IGF2BP3: variants seen among roughly 807,000 people sequenced by gnomAD.
IGF2BP3 encodes insulin-like growth factor 2 mRNA-binding protein 3.
Under a neutral mutation model 73.8 loss-of-function variants are expected in IGF2BP3, and 9 were observed. The ratio of observed to expected loss-of-function variants is 0.12; its 90% CI spans 0.07 to 0.21. The LOEUF is 0.21. Among genes scored for constraint, IGF2BP3 ranks in the 10% least tolerant of loss-of-function variants. IGF2BP3 has a pLI of 1.00. For missense variants in IGF2BP3, 542 were observed against 714.0 expected (o/e 0.76, Z 2.75); for synonymous variants, 258 against 256.7 (o/e 1.01, Z -0.05).
chr7:23,437,752 GAGAACAAAA>G (rs1787839563), intron 2 of IGF2BP3, among the ~76,000 whole-genome samples: 1 of 152,066 alleles, frequency 6.6e-6, no homozygotes, highest in South Asian at 2.1e-4. Flanking sequence ...CACCAATATT[GAGAACAAAA>G]GTAAAAAACT....
At chr7:23,355,058 C>T (rs1346198150) in intron 5 of IGF2BP3, among the ~76,000 whole-genome samples, 3 of 151,776 alleles carry the variant, frequency 2.0e-5, no homozygotes, top group South Asian at 2.1e-4. Context: ...GCTGAGTTCA[C>T]GAGGAAAAAA....
At chr7:23,448,301 T>A (rs1788112390) in intron 2 of IGF2BP3, among the ~76,000 whole-genome samples, 2 of 152,268 alleles carry the variant, frequency 1.3e-5, no homozygotes, top group African/African-American at 4.8e-5. Context: ...CATTTCAGTT[T>A]GAAGAACTTA....
intron 3 of IGF2BP3, among the ~76,000 whole-genome samples, chr7:23,403,368 A>T (rs1446912090): frequency 6.6e-6 from 1 of 152,174 alleles, no homozygotes; most frequent in African/African-American, 2.4e-5. Flanking sequence ...TATGTACTAA[A>T]TTTTTTTGTA....
chr7:23,468,572 G>T (rs777362861), intron 1 of IGF2BP3, 30 bp from the exon 2 acceptor site: 1 of 1,609,772 alleles, frequency 6.2e-7, no homozygotes, highest in South Asian at 1.1e-5. Context: ...GAGACGGTCG[G>T]CCGAGTTCAG....
chr7:23,465,553 C>T (rs1194834772), intron 2 of IGF2BP3, among the ~76,000 whole-genome samples: 2 of 152,112 alleles, frequency 1.3e-5, no homozygotes, highest in African/African-American at 4.8e-5. Context: ...GAAGTCAAAG[C>T]CAGGCCAGCC....
intron 5 of IGF2BP3, among the ~76,000 whole-genome samples, chr7:23,352,219 C>T (rs1335058555): frequency 6.7e-6 from 1 of 148,154 alleles, no homozygotes; most frequent in Admixed American, 6.7e-5. Flanking sequence ...GGTGATAAAC[C>T]AAAAAAAAGA....
intron 3 of IGF2BP3, among the ~76,000 whole-genome samples, chr7:23,368,628 T>C (rs901717750): frequency 1.3e-5 from 2 of 152,162 alleles, no homozygotes; most frequent in African/African-American, 4.8e-5. Flanking sequence ...CCGGGCGCGG[T>C]GGCTCACACC....
At chr7:23,365,026 A>C (rs450065) in intron 3 of IGF2BP3, among the ~76,000 whole-genome samples, 14,191 of 152,060 alleles carry the variant, frequency 0.093, 1,780 homozygotes, top group African/African-American at 0.29. Context: ...ATTAGCCTGC[A>C]GTGGTGGCGC....
chr7:23,402,925 T>C (rs1409762105), intron 3 of IGF2BP3, among the ~76,000 whole-genome samples: 1 of 152,172 alleles, frequency 6.6e-6, no homozygotes, highest in Non-Finnish European at 1.5e-5. Flanking sequence ...TGTGGATCTT[T>C]TGGGATTAGG....
intron 3 of IGF2BP3, among the ~76,000 whole-genome samples, chr7:23,377,336 AAAG>A (rs1379084287): frequency 2.6e-5 from 4 of 152,226 alleles, no homozygotes; most frequent in African/African-American, 7.2e-5. Context: ...ACATTTCCTC[AAAG>A]AAGATATACA....
chr7:23,460,482 A>G (rs1788423979), intron 2 of IGF2BP3, among the ~76,000 whole-genome samples: 1 of 151,132 alleles, frequency 6.6e-6, no homozygotes, highest in Non-Finnish European at 1.5e-5. Context: ...CAAGTGAGCC[A>G]AGATCGCCAC....
At chr7:23,435,618 G>A (rs2128543331) in intron 2 of IGF2BP3, among the ~76,000 whole-genome samples, 1 of 152,036 alleles carries the variant, frequency 6.6e-6, no homozygotes, top group East Asian at 1.9e-4. Flanking sequence ...ACCACGCCCG[G>A]CTAATTTTTT....
chr7:23,387,606 C>G (rs1301027731), intron 3 of IGF2BP3, among the ~76,000 whole-genome samples: 1 of 152,182 alleles, frequency 6.6e-6, no homozygotes, highest in Non-Finnish European at 1.5e-5. Flanking sequence ...TACTACTTCC[C>G]TGTAAACCTA....
intron 2 of IGF2BP3, among the ~76,000 whole-genome samples, chr7:23,451,322 G>A (rs932026594): frequency 6.6e-6 from 1 of 152,192 alleles, no homozygotes; most frequent in African/African-American, 2.4e-5. Flanking sequence ...GGAGGCTGAG[G>A]CAGGAGAATC....
At chr7:23,337,622 C>A (rs566452107) in intron 10 of IGF2BP3, among the ~76,000 whole-genome samples, 2 of 152,328 alleles carry the variant, frequency 1.3e-5, no homozygotes, top group South Asian at 4.1e-4. Flanking sequence ...TATGTTCTGG[C>A]CAACATGAGG....
At chr7:23,431,790 G>A (rs1240765711) in intron 2 of IGF2BP3, among the ~76,000 whole-genome samples, 1 of 152,104 alleles carries the variant, frequency 6.6e-6, no homozygotes, top group Non-Finnish European at 1.5e-5. Context: ...CGTAATTTCT[G>A]GGGGTGGGGC....
chr7:23,465,619 C>A lies in IGF2BP3; in HGVS notation c.236+2863G>T, dbSNP rs141928217. On this transcript the variant is annotated intron_variant, in intron 2 of 14. Coordinates refer to ENST00000258729, the MANE Select transcript of IGF2BP3 (RefSeq NM_006547.3). ...CTCCCCTGTTTAGTCAGTGCAAGCCCATTCATCCATCTCAGCGTGCATTCT... is the reference window on the plus strand; with the variant it reads ...CTCCCCTGTTTAGTCAGTGCAAGCCAATTCATCCATCTCAGCGTGCATTCT... Among the ~76,000 whole-genome samples, 218 of 152,330 alleles carry A rather than the reference C, an allele frequency of 1.4e-3. 1 individual carries two copies. Among genetic ancestry groups the A allele is most frequent in the African/African-American group, 4.8e-3 (199 of 41,572 alleles).
At chr7:23,415,382 C>T in intron 3 of IGF2BP3, 2 of 221,164 alleles carry the variant, frequency 9.0e-6, no homozygotes, top group South Asian at 8.7e-5. Context: ...TCGCCAGGTC[C>T]CCCTCCATCA....
chr7:23,366,415 G>C (rs1785373029), intron 3 of IGF2BP3, among the ~76,000 whole-genome samples: 2 of 152,088 alleles, frequency 1.3e-5, no homozygotes, highest in African/African-American at 4.8e-5. Flanking sequence ...TGGGATTACA[G>C]GTGTGAGCCA....
Sources: gnomAD v4.1 joint callset for allele counts (sites outside exome capture counted in the v4.1 genomes callset) on GRCh38, gnomAD v4.1.1 for gene constraint, MANE v1.5 for transcripts, NCBI Gene and HGNC (gene_info 2026-07-23, HGNC 2026-07-21) for gene names.